The following RGMB variants were observed in gnomAD, a reference collection of about 807,000 sequenced individuals.
RGMB encodes the protein repulsive guidance molecule BMP co-receptor b.
In RGMB, 16 loss-of-function variants were observed where a neutral mutation model predicts 26.9. The ratio of observed to expected loss-of-function variants is 0.60; its 90% CI spans 0.40 to 0.90. RGMB has a LOEUF of 0.90. Ranked by LOEUF, RGMB falls within the 40% of genes least tolerant of loss-of-function variation. RGMB has a pLI of 0.00. For synonymous variants in RGMB, 225 were observed against 229.3 expected, an observed-to-expected ratio of 0.98 and a Z score of 0.17; for missense variants, 512 against 573.3, an observed-to-expected ratio of 0.89 and a Z score of 1.09.
chr5:98,775,693 G>A (rs1017967854), intron 1 of RGMB, among the ~76,000 whole-genome samples: 5 of 152,158 alleles, frequency 3.3e-5, no homozygotes, highest in African/African-American at 1.2e-4. Flanking sequence ...GCCCGTGAAA[G>A]GCATACTAAG....
At chr5:98,781,900 A>G (rs1746620115) in intron 2 of RGMB, among the ~76,000 whole-genome samples, 1 of 152,230 alleles carries the variant, frequency 6.6e-6, no homozygotes, top group African/African-American at 2.4e-5. Context: ...ATTTTATTTC[A>G]GTTGAATTCT....
Position 98,793,470 on chromosome 5 carries a change from A to G in RGMB, c.1031A>G (p.Gln344Arg), listed in dbSNP as rs750336328. The G allele has an allele frequency of 6.8e-6, 11 of 1,613,208 alleles. No individual in the cohort carries two copies. The highest frequency in any genetic ancestry group is 4.4e-5 in the South Asian group (4 of 90,886). The part of the protein sequence containing the change: ...GHSLPRTSLV[Q>R]AWPGYTLETA... ...AGCCTGCCTCGCACCTCCTTGGTGC[A>G]GGCCTGGCCTGGCTACACACTGGAG... The change falls in exon 3 of 3, where the codon CAG becomes CGG. Residue 344 changes from glutamine to arginine, a missense_variant. Coordinates refer to ENST00000513185, the MANE Select transcript of RGMB (RefSeq NM_001366508.1).
At chr5:98,781,286 CT>C (rs1366929323) in intron 2 of RGMB, 4 of 152,202 alleles carry the variant, frequency 2.6e-5, no homozygotes, top group Non-Finnish European at 5.9e-5. Context: ...TCAAAGACGA[CT>C]GTTACACTGG....
chr5:98,782,322 C>A (rs1236222314), intron 2 of RGMB, among the ~76,000 whole-genome samples: 1 of 151,968 alleles, frequency 6.6e-6, no homozygotes, highest in Non-Finnish European at 1.5e-5. Context: ...CAGCCAGGAC[C>A]AAAATAAAAC....
intron 2 of RGMB, among the ~76,000 whole-genome samples, chr5:98,791,522 T>C (rs1398478178): frequency 1.3e-5 from 2 of 152,110 alleles, no homozygotes; most frequent in Non-Finnish European, 2.9e-5. Context: ...CTGGTCTTTT[T>C]CACAAGGGTC....
At position 98,779,839 on chromosome 5, in the gene RGMB, C is replaced by T. The variant is rs771672371; in HGVS notation, c.396C>T (p.Pro132=). 28 of 1,613,918 alleles carry T rather than the reference C, an allele frequency of 1.7e-5. No homozygotes were observed. In the South Asian group the frequency reaches 2.9e-4, roughly 16 times the overall value. Residue 132 remains proline (P), a synonymous_variant, in exon 2 of 3, where the codon CCC becomes CCT. Coordinates refer to ENST00000513185, the MANE Select transcript of RGMB (RefSeq NM_001366508.1). The part of the protein sequence containing the change: ...SKDGPTSSTN[P]EVTHDPCNYH... Reference sequence around the variant, plus strand: ...ATGGACCCACATCCTCTACCAACCCCGAAGTGACCCATGATCCTTGCAACT... The same window carrying T: ...ATGGACCCACATCCTCTACCAACCCTGAAGTGACCCATGATCCTTGCAACT...
In RGMB at chr5:98,793,255, C is replaced by T. The variant is rs367974014; in HGVS notation, c.816C>T (p.His272=). The change falls in exon 3 of 3, where the codon CAC becomes CAT. Residue 272 remains histidine, a synonymous_variant. Transcript: ENST00000513185. The stretch of plus-strand genomic sequence containing the variant: ...AGAGTGGCCACTATGTGGAGATGCA[C>T]GCCCGCTATATAGGGACCACAGTGT... ...ERESGHYVEM[H]ARYIGTTVFV... 33 of 1,613,854 alleles carry T rather than the reference C, an allele frequency of 2.0e-5. No individual in the cohort carries two copies. Among genetic ancestry groups the T allele is most frequent in the Admixed American group, 5.0e-5 (3 of 60,004 alleles).
chr5:98,788,992 A>G (rs976146261), intron 2 of RGMB, among the ~76,000 whole-genome samples: 3 of 152,224 alleles, frequency 2.0e-5, no homozygotes, highest in African/African-American at 7.2e-5. Flanking sequence ...ATTCTCCCTT[A>G]GAGTCTTCTA....
Position 98,779,566 on chromosome 5 carries a change from C to T in RGMB, c.137-14C>T, listed in dbSNP as rs1382855288. 2 of 1,503,988 alleles carry T rather than the reference C, an allele frequency of 1.3e-6. No individual in the cohort carries two copies. The highest frequency in any genetic ancestry group is 1.8e-6 in the Non-Finnish European group (2 of 1,126,158). 93.2% of individuals were successfully genotyped at this position (1,503,988 alleles called of 1,614,324 possible). On this transcript the variant is annotated splice_polypyrimidine_tract_variant and intron_variant, in intron 1 of 2. Coordinates refer to ENST00000513185, the MANE Select transcript of RGMB (RefSeq NM_001366508.1). The stretch of plus-strand genomic sequence containing the variant: ...AGAGTTTACAAATGTTTGGTCTTAT[C>T]TTCTTTCCCATAGGTGACTGCCAAC...
At chr5:98,774,292 G>C in intron 1 of RGMB, 86 bp downstream of exon 1, 3 of 1,266,402 alleles carry the variant, frequency 2.4e-6, no homozygotes, top group Non-Finnish European at 3.0e-6. Flanking sequence ...GCGCTCGCCG[G>C]GGCGGAAGGG....
At position 98,773,702 on chromosome 5, in the gene RGMB, T is replaced by C; in HGVS notation, c.-369T>C. 2.7e-6 allele frequency: 1 copy of C among 371,054 alleles called. No individual in the cohort carries two copies. The highest frequency in any genetic ancestry group is 4.0e-5 in the East Asian group (1 of 24,864). 23.0% of individuals were successfully genotyped at this position (371,054 alleles called of 1,614,324 possible). On this transcript the variant is annotated 5_prime_UTR_variant, in exon 1 of 3. Coordinates refer to ENST00000513185, the MANE Select transcript of RGMB (RefSeq NM_001366508.1). ...GCCGCCGGTGGGTGGTCGCTAGGGC[T>C]GGGCCAGCCTCTTGGAGGTCCACGC...
chr5:98,794,349 G>A lies in RGMB; in HGVS notation c.*596G>A, dbSNP rs916319281. The A allele has an allele frequency of 4.6e-5, 7 of 152,196 alleles. No individual in the cohort carries two copies. Among genetic ancestry groups the A allele is most frequent in the Middle Eastern group, 3.4e-3 (1 of 294 alleles). 9.4% of individuals were successfully genotyped at this position (152,196 alleles called of 1,614,324 possible). ...AAGAAGCTCTCTTCATCTAAGAGCT[G>A]TTACTTTTTCAGAAGGGGGGGTATT... is the stretch of plus-strand genomic sequence containing the variant. On this transcript the variant is annotated 3_prime_UTR_variant, in exon 3 of 3. Transcript: ENST00000513185.
rs1746277276 is a variant in RGMB, at chr5:98,773,923, T to C, written c.-148T>C. 1.8e-6 allele frequency: 1 copy of C among 554,618 alleles called. No homozygotes were observed. 34.4% of individuals were successfully genotyped at this position (554,618 alleles called of 1,614,324 possible). ...TGCGCGCTGCTTGCTGCGGCGGTGG[T>C]GGCGCCCCATCTGCTACACGGGCCT... On this transcript the variant is annotated 5_prime_UTR_variant, in exon 1 of 3. Transcript: ENST00000513185.
Position 98,779,723 on chromosome 5 carries a change from C to G in RGMB, c.280C>G (p.Arg94Gly). Residue 94 changes from arginine to glycine, a missense_variant, in exon 2 of 3, where the codon CGA becomes GGA. Arg to Gly is a moderately radical substitution (Grantham distance 125, BLOSUM62 -2). Coordinates refer to ENST00000513185, the MANE Select transcript of RGMB (RefSeq NM_001366508.1). ...ALRAYAGCTQRTSKACRGNLV... is the reference protein window; with the variant it reads ...ALRAYAGCTQGTSKACRGNLV... ...GCGTGCCTATGCTGGCTGCACCCAG[C>G]GAACTTCAAAAGCCTGCCGTGGCAA... 1 of 1,612,656 alleles carries G rather than the reference C, an allele frequency of 6.2e-7. No homozygotes were observed. Among genetic ancestry groups the G allele is most frequent in the Non-Finnish European group, 8.5e-7 (1 of 1,178,892 alleles).
Position 98,793,455 on chromosome 5 carries a change from G to A in RGMB, c.1016G>A (p.Arg339His), listed in dbSNP as rs527774662. Residue 339 changes from arginine to histidine, a missense_variant, in exon 3 of 3, where the codon CGC becomes CAC. Coordinates refer to ENST00000513185, the MANE Select transcript of RGMB (RefSeq NM_001366508.1). ...GCCATCCTGGGACACAGCCTGCCTCGCACCTCCTTGGTGCAGGCCTGGCCT... is the reference window on the plus strand; with the variant it reads ...GCCATCCTGGGACACAGCCTGCCTCACACCTCCTTGGTGCAGGCCTGGCCT... ...VSAILGHSLP[R>H]TSLVQAWPGY... is the part of the protein sequence containing the mutation. The A allele has an allele frequency of 7.4e-6, 12 of 1,612,476 alleles. No individual in the cohort carries two copies. Among genetic ancestry groups the A allele is most frequent in the African/African-American group, 4.0e-5 (3 of 75,024 alleles).
chr5:98,769,178 C>T (rs1190058254), upstream of RGMB: 1 of 152,404 alleles, frequency 6.6e-6, no homozygotes, highest in African/African-American at 2.4e-5. Context: ...TGCGGCGCCC[C>T]TACGCCCCCA....
chr5:98,787,678 G>A (rs1746805175), intron 2 of RGMB, among the ~76,000 whole-genome samples: 1 of 152,184 alleles, frequency 6.6e-6, no homozygotes, highest in African/African-American at 2.4e-5. Context: ...AGATTTTGGA[G>A]TGACCAAGAC....
chr5:98,784,944 G>C (rs1038398590), intron 2 of RGMB, among the ~76,000 whole-genome samples: 4 of 152,148 alleles, frequency 2.6e-5, no homozygotes, highest in African/African-American at 7.2e-5. Context: ...AACTCTCTTG[G>C]TGATACATTG....
In RGMB at chr5:98,790,043, A is replaced by T. The variant is rs191176628; in HGVS notation, c.646-3042A>T. ...AAATTTTGCTTTTCTGAAGAGGAAG[A>T]CAGTCTGAAATGAATTTCTTGCCCT... On this transcript the variant is annotated intron_variant, in intron 2 of 2. Transcript: ENST00000513185. Among the ~76,000 whole-genome samples the T allele has an allele frequency of 1.3e-3, 193 of 152,364 alleles. 2 individuals carry two copies. Among genetic ancestry groups the T allele is most frequent in the Non-Finnish European group, 6.5e-4 (44 of 68,042 alleles).
Sources: allele counts gnomAD v4.1 joint callset (sites outside exome capture counted in the v4.1 genomes callset), GRCh38; gene constraint gnomAD v4.1.1; transcripts MANE v1.5; gene names NCBI Gene and HGNC (gene_info 2026-07-23, HGNC 2026-07-21).